Variants in COL4A5 observed in about 807,000 individuals in gnomAD.
COL4A5 encodes collagen type IV alpha 5 chain.
COL4A5 carries 26 observed loss-of-function variants against 130.2 expected under a neutral mutation model. The observed-to-expected ratio is 0.20, with a 90% CI of 0.15 to 0.28. COL4A5 has a LOEUF of 0.28. COL4A5 is among the 10% of genes least tolerant of loss of function. The pLI, the probability that COL4A5 is intolerant of heterozygous loss-of-function variation, is 1.00. For missense variants in COL4A5, 1,131 were observed against 1,344.3 expected (o/e 0.84, Z 2.48); for synonymous variants, 496 against 439.6 (o/e 1.13, Z -1.60).
chrX:108,638,373 C>CTAAATCATG (rs768486447), intron 36 of COL4A5, among the ~76,000 whole-genome samples: 2 of 110,941 alleles, frequency 1.8e-5, no homozygotes, highest in East Asian at 5.7e-4. Flanking sequence ...AAATTCAACA[C>CTAAATCATG]TGTTTCATGA....
At chrX:108,591,719 C>G (rs1286455766) in intron 21 of COL4A5, 75 bp downstream of exon 21, 2 of 811,792 alleles carry the variant, frequency 2.5e-6, no homozygotes, top group Middle Eastern at 3.0e-4. Context: ...CCTGTATCCT[C>G]CATCACACCT....
chrX:108,645,624 CA>C (rs1273760784), intron 36 of COL4A5, among the ~76,000 whole-genome samples: 1 of 108,106 alleles, frequency 9.3e-6, no homozygotes. Context: ...TACATGTGCA[CA>C]ATGTGCAGGT....
intron 1 of COL4A5, among the ~76,000 whole-genome samples, chrX:108,446,200 C>T (rs2064450589): frequency 8.9e-6 from 1 of 111,781 alleles, no homozygotes; most frequent in African/African-American, 3.2e-5. Context: ...GCTTATTCTA[C>T]ATATAGTTTT....
intron 51 of COL4A5, 137 bp downstream of exon 51, chrX:108,695,058 G>T (rs1198983540): frequency 6.1e-6 from 4 of 659,623 alleles, no homozygotes; most frequent in Non-Finnish European, 9.7e-6. Context: ...CAAGCACTGT[G>T]TTCCCCCTCA....
intron 2 of COL4A5, among the ~76,000 whole-genome samples, chrX:108,552,355 G>A (rs1351648384): frequency 9.0e-6 from 1 of 111,435 alleles, no homozygotes; most frequent in East Asian, 2.8e-4. Flanking sequence ...GTATTCCATG[G>A]TATGGATCCA....
chrX:108,687,615 A>G lies in COL4A5; in HGVS notation c.4449A>G (p.Pro1483=), dbSNP rs2068573805. 1 of 1,211,731 alleles carries G rather than the reference A, an allele frequency of 8.3e-7. No homozygotes were observed. The highest frequency in any genetic ancestry group is 1.7e-5 in the African/African-American group (1 of 57,793). Residue 1483 remains proline, a synonymous_variant, in exon 49 of 53, where the codon CCA becomes CCG. Transcript: ENST00000328300. The part of the protein sequence containing the change: ...HSQTTDAPQC[P]QGTLQVYEGF... ...AGACAACGGATGCACCACAATGCCC[A>G]CAGGGAACACTTCAGGTCTATGAAG... is the stretch of plus-strand genomic sequence containing the variant.
chrX:108,493,524 T>C (rs2065009563), intron 1 of COL4A5, among the ~76,000 whole-genome samples: 1 of 111,956 alleles, frequency 8.9e-6, no homozygotes, highest in Non-Finnish European at 1.9e-5. Flanking sequence ...GCTTCTTTTT[T>C]ATAATGGTTT....
chrX:108,597,090 A>G (rs1463647293), intron 23 of COL4A5, 22 bp downstream of exon 23: 5 of 1,144,067 alleles, frequency 4.4e-6, no homozygotes, highest in Non-Finnish European at 5.9e-6. Context: ...GTATATTATA[A>G]AACAAAAAGA....
intron 32 of COL4A5, 103 bp downstream of exon 32, chrX:108,621,995 G>A (rs2067063167): frequency 5.0e-6 from 3 of 595,569 alleles, no homozygotes; most frequent in African/African-American, 2.2e-5. Flanking sequence ...AATGAGCAAT[G>A]GTTACTTGTG....
At chrX:108,636,691 A>G (rs1207001183) in intron 36 of COL4A5, among the ~76,000 whole-genome samples, 2 of 111,696 alleles carry the variant, frequency 1.8e-5, no homozygotes, top group African/African-American at 3.3e-5. Flanking sequence ...AATGCAGAAT[A>G]TACATTTTTG....
chrX:108,517,037 T>G (rs2065226848), intron 1 of COL4A5, among the ~76,000 whole-genome samples: 1 of 112,010 alleles, frequency 8.9e-6, no homozygotes, highest in Admixed American at 9.5e-5. Flanking sequence ...ATATTATTTA[T>G]AAATTGCAAA....
At chrX:108,674,839 A>C (rs2147970738) in intron 43 of COL4A5, 86 bp downstream of exon 43, 27 of 976,046 alleles carry the variant, frequency 2.8e-5, no homozygotes, top group Middle Eastern at 5.6e-4. Context: ...TTTTTGCTAT[A>C]ATTCAGAAGT....
At chrX:108,544,137 A>C (rs2065600754) in intron 2 of COL4A5, among the ~76,000 whole-genome samples, 1 of 111,832 alleles carries the variant, frequency 8.9e-6, no homozygotes, top group Admixed American at 9.5e-5. Context: ...CAGAACTTCC[A>C]ACACTATGTT....
intron 36 of COL4A5, among the ~76,000 whole-genome samples, chrX:108,646,856 G>C (rs1208220748): frequency 3.6e-5 from 4 of 110,612 alleles, no homozygotes; most frequent in Non-Finnish European, 5.7e-5. Flanking sequence ...CCCATTGCTT[G>C]TTTTTGTCAG....
At chrX:108,651,834 A>G (rs1449011518) in intron 36 of COL4A5, among the ~76,000 whole-genome samples, 1 of 111,977 alleles carries the variant, frequency 8.9e-6, no homozygotes, top group Non-Finnish European at 1.9e-5. Flanking sequence ...TTGAGCCATT[A>G]TTTATCAGTT....
intron 1 of COL4A5, among the ~76,000 whole-genome samples, chrX:108,453,711 G>T (rs1283095915): frequency 9.0e-6 from 1 of 111,567 alleles, no homozygotes; most frequent in Admixed American, 9.6e-5. Context: ...AATGAAAGAT[G>T]ATAACTAGTT....
intron 1 of COL4A5, among the ~76,000 whole-genome samples, chrX:108,508,942 C>T (rs768393591): frequency 8.9e-6 from 1 of 111,831 alleles, no homozygotes; most frequent in East Asian, 2.8e-4. Flanking sequence ...ATGTAAAACT[C>T]AAAACTGTAA....
In COL4A5 at chrX:108,620,260, T is replaced by A. The variant is rs2067012415; in HGVS notation, c.2511T>A (p.Gly837=). ...TAATATTGATATTGTATTAACTAGG[T>A]TTACATGGAATACCAGGAGAGAAGG... is the stretch of plus-strand genomic sequence containing the variant. ...PGIPGPIGQP[G]LHGIPGEKGD... is the part of the protein sequence containing the mutation. The change falls in exon 31 of 53, where the codon GGT becomes GGA. Residue 837 remains glycine (G), a splice_region_variant and synonymous_variant. Coordinates refer to ENST00000328300, the MANE Select transcript of COL4A5 (RefSeq NM_033380.3). 8.3e-7 allele frequency: 1 copy of A among 1,200,622 alleles called. No homozygotes were observed. The highest frequency in any genetic ancestry group is 2.2e-5 in the Admixed American group (1 of 45,591).
intron 1 of COL4A5, among the ~76,000 whole-genome samples, chrX:108,516,482 G>A (rs2065222285): frequency 9.0e-6 from 1 of 111,707 alleles, no homozygotes; most frequent in Non-Finnish European, 1.9e-5. Flanking sequence ...TACATTTATG[G>A]AACAGCTTTG....
Sources: allele counts gnomAD v4.1 joint callset (sites outside exome capture counted in the v4.1 genomes callset), GRCh38; gene constraint gnomAD v4.1.1; transcripts MANE v1.5; gene names NCBI Gene and HGNC (gene_info 2026-07-23, HGNC 2026-07-21).